The following DIAPH3 variants were observed in gnomAD, a reference collection of about 807,000 sequenced individuals.
DIAPH3 encodes diaphanous related formin 3, also known as protein diaphanous homolog 3.
In DIAPH3, 117 loss-of-function variants were observed where a neutral mutation model predicts 144.3. That is an observed-to-expected ratio of 0.81 (90% CI 0.70 to 0.95). DIAPH3 has a LOEUF of 0.95. Among genes scored for constraint, DIAPH3 ranks in the 40% least tolerant of loss-of-function variants. The probability of loss-of-function intolerance (pLI) is 0.00; values close to 1 mark genes in which losing one functional copy is unlikely to be tolerated. For missense variants in DIAPH3, 1,421 were observed against 1,412.7 expected, an observed-to-expected ratio of 1.01 and a Z score of -0.09; for synonymous variants, 519 against 488.9, an observed-to-expected ratio of 1.06 and a Z score of -0.81.
At chr13:60,047,876 G>A (rs1007173660) in intron 4 of DIAPH3, among the ~76,000 whole-genome samples, 8 of 152,172 alleles carry the variant, frequency 5.3e-5, no homozygotes, top group Non-Finnish European at 1.0e-4. Context: ...GAACTGTATA[G>A]TGTCTGAGAT....
At chr13:59,869,770 C>T (rs993703662) in intron 21 of DIAPH3, among the ~76,000 whole-genome samples, 1 of 152,174 alleles carries the variant, frequency 6.6e-6, no homozygotes, top group African/African-American at 2.4e-5. Flanking sequence ...TCTTTTCATA[C>T]ATTTACCTGA....
intron 21 of DIAPH3, among the ~76,000 whole-genome samples, chr13:59,878,362 T>A (rs1335714506): frequency 6.6e-6 from 1 of 152,150 alleles, no homozygotes; most frequent in Non-Finnish European, 1.5e-5. Context: ...AGAAAATTCA[T>A]GAAAGCCCCA....
intron 22 of DIAPH3, among the ~76,000 whole-genome samples, chr13:59,842,595 G>C (rs1180259774): frequency 6.6e-6 from 1 of 151,930 alleles, no homozygotes; most frequent in Non-Finnish European, 1.5e-5. Context: ...AGGTAGAAGG[G>C]CTCACTCCCA....
Position 59,997,145 on chromosome 13 carries a change from A to C in DIAPH3, c.1015-4562T>G, listed in dbSNP as rs1046388875. Among the ~76,000 whole-genome samples, 14 of 152,026 alleles carry C rather than the reference A, an allele frequency of 9.2e-5. No individual in the cohort carries two copies. In the East Asian group the frequency reaches 2.7e-3, roughly 29 times the overall value. On this transcript the variant is annotated intron_variant, in intron 9 of 27. Transcript: ENST00000400324. ...CACTCTATTCTGCTATCAAACATTA[A>C]ACTTATCCCTTCTACCATATGTTTG...
At chr13:59,889,079 C>T (rs1482805836) in intron 20 of DIAPH3, among the ~76,000 whole-genome samples, 2 of 151,902 alleles carry the variant, frequency 1.3e-5, no homozygotes, top group African/African-American at 4.8e-5. Context: ...TAGGCTGTGC[C>T]ATGATATCTT....
At chr13:59,873,674 T>G (rs2044417701) in intron 21 of DIAPH3, among the ~76,000 whole-genome samples, 1 of 114,454 alleles carries the variant, frequency 8.7e-6, no homozygotes. Context: ...TTCACCACTT[T>G]TTCTTTTTTT....
chr13:59,832,470 T>C (rs2041828334), intron 24 of DIAPH3, among the ~76,000 whole-genome samples: 1 of 151,884 alleles, frequency 6.6e-6, no homozygotes, highest in African/African-American at 2.4e-5. Flanking sequence ...TAACAATTTT[T>C]CATTGTAGAA....
At chr13:59,888,534 A>C (rs2045590600) in intron 20 of DIAPH3, among the ~76,000 whole-genome samples, 1 of 152,000 alleles carries the variant, frequency 6.6e-6, no homozygotes, top group Admixed American at 6.6e-5. Context: ...GCCTCTTTTT[A>C]TATTTTCTCT....
At chr13:60,140,624 T>G (rs1223742999) in intron 1 of DIAPH3, among the ~76,000 whole-genome samples, 10 of 152,120 alleles carry the variant, frequency 6.6e-5, no homozygotes, top group Admixed American at 2.0e-4. Flanking sequence ...ATTTTACACA[T>G]CTGGATTATG....
At chr13:60,124,779 C>T (rs958373453) in intron 2 of DIAPH3, among the ~76,000 whole-genome samples, 1 of 151,682 alleles carries the variant, frequency 6.6e-6, no homozygotes, top group Admixed American at 6.6e-5. Flanking sequence ...GAGGTTGGGG[C>T]TACAGTGAGC....
chr13:60,052,500 A>G (rs2056388301), intron 4 of DIAPH3, among the ~76,000 whole-genome samples: 2 of 152,050 alleles, frequency 1.3e-5, no homozygotes, highest in African/African-American at 4.8e-5. Flanking sequence ...AAAGCAATCA[A>G]CTAGGTAGCC....
intron 12 of DIAPH3, among the ~76,000 whole-genome samples, chr13:59,984,117 C>T (rs1376034083): frequency 1.3e-5 from 2 of 151,520 alleles, no homozygotes; most frequent in Non-Finnish European, 3.0e-5. Context: ...AATACAGTAT[C>T]CCTTAATTTT....
chr13:60,053,848 A>C (rs778679188), intron 4 of DIAPH3, among the ~76,000 whole-genome samples: 16 of 151,940 alleles, frequency 1.1e-4, no homozygotes, highest in Non-Finnish European at 2.1e-4. Flanking sequence ...AAAATAATAA[A>C]TGTAAAAAAA....
intron 4 of DIAPH3, among the ~76,000 whole-genome samples, chr13:60,059,017 A>C (rs2056664025): frequency 6.6e-6 from 1 of 151,954 alleles, no homozygotes; most frequent in Non-Finnish European, 1.5e-5. Flanking sequence ...AAAGCTGTTG[A>C]AATAAAATTA....
chr13:59,714,532 C>T (rs911034552), intron 27 of DIAPH3, among the ~76,000 whole-genome samples: 1 of 152,164 alleles, frequency 6.6e-6, no homozygotes, highest in African/African-American at 2.4e-5. Context: ...GAGACCATGT[C>T]TAAGTTAGAA....
intron 24 of DIAPH3, among the ~76,000 whole-genome samples, chr13:59,814,320 G>A (rs1284802609): frequency 6.6e-6 from 1 of 152,094 alleles, no homozygotes; most frequent in Non-Finnish European, 1.5e-5. Flanking sequence ...GTCTAAAGGA[G>A]TTCTTAAACC....
intron 27 of DIAPH3, among the ~76,000 whole-genome samples, chr13:59,737,710 T>A (rs1374786053): frequency 6.6e-5 from 10 of 152,192 alleles, no homozygotes; most frequent in East Asian, 1.9e-4. Context: ...TAAAAGTGGA[T>A]TTACCTCAAA....
rs539043492 is a variant in DIAPH3, at chr13:60,074,119, C to A, written c.495+19509G>T. On this transcript the variant is annotated intron_variant, in intron 4 of 27. Coordinates refer to ENST00000400324, the MANE Select transcript of DIAPH3 (RefSeq NM_001042517.2). ...AGGTTGCCTGCTAAGATGCTGACGA[C>A]AATCCAGGGTCTCTCCCATTAACTC... Among the ~76,000 whole-genome samples, 11 of 152,308 alleles carry A rather than the reference C, an allele frequency of 7.2e-5. No homozygotes were observed. The South Asian group carries it at 8.3e-4, about 11-fold the overall frequency.
intron 25 of DIAPH3, among the ~76,000 whole-genome samples, chr13:59,808,034 ATAAG>A (rs1277615672): frequency 2.0e-5 from 3 of 151,850 alleles, no homozygotes; most frequent in Non-Finnish European, 4.4e-5. Context: ...AAGATTATAA[ATAAG>A]TAGAGTACAG....
Sources: allele counts gnomAD v4.1 joint callset (sites outside exome capture counted in the v4.1 genomes callset), GRCh38; gene constraint gnomAD v4.1.1; transcripts MANE v1.5; gene names NCBI Gene and HGNC (gene_info 2026-07-23, HGNC 2026-07-21).